CYP4F3: variants seen among roughly 807,000 people sequenced by gnomAD.
CYP4F3 encodes the protein cytochrome P450 4F3.
A neutral mutation model predicts 54.8 loss-of-function variants in CYP4F3; 50 were observed. That is an observed-to-expected ratio of 0.91 (90% CI 0.73 to 1.16). CYP4F3 has a LOEUF of 1.16. CYP4F3 is among the 50% of genes most tolerant of loss of function. The pLI is 0.00. For synonymous variants in CYP4F3, 244 were observed against 262.6 expected, an observed-to-expected ratio of 0.93 and a Z score of 0.69; for missense variants, 715 against 676.2, an observed-to-expected ratio of 1.06 and a Z score of -0.64.
intron 2 of CYP4F3, 150 bp from the exon 3 acceptor site, chr19:15,645,569 G>C: frequency 1.0e-6 from 1 of 1,000,144 alleles, no homozygotes; most frequent in Non-Finnish European, 1.4e-6. Flanking sequence ...TGGAGGATGT[G>C]AGGAGGAAGC....
intron 5 of CYP4F3, among the ~76,000 whole-genome samples, chr19:15,647,891 A>G (rs1221950856): frequency 6.6e-6 from 1 of 152,170 alleles, no homozygotes; most frequent in Non-Finnish European, 1.5e-5. Flanking sequence ...AAGGAGTCCC[A>G]TGGTTTACAA....
At chr19:15,644,150 C>A in intron 2 of CYP4F3, 1 of 1,337,224 alleles carries the variant, frequency 7.5e-7, no homozygotes, top group Non-Finnish European at 9.8e-7. Context: ...GTACTCTGGT[C>A]TCTCCTTTCC....
intron 9 of CYP4F3, among the ~76,000 whole-genome samples, chr19:15,654,604 C>T (rs951154227): frequency 2.6e-5 from 4 of 152,172 alleles, no homozygotes; most frequent in Non-Finnish European, 4.4e-5. Flanking sequence ...TGAGAACATG[C>T]GATATTTGTC....
At chr19:15,647,607 A>G (rs1476725272) in intron 5 of CYP4F3, among the ~76,000 whole-genome samples, 4 of 152,242 alleles carry the variant, frequency 2.6e-5, no homozygotes, top group Non-Finnish European at 4.4e-5. Flanking sequence ...ATTGCATAAT[A>G]GCTGTTGCTG....
At position 15,659,603 on chromosome 19, in the gene CYP4F3, T is replaced by A. The variant is rs912004046; in HGVS notation, c.*218T>A. On this transcript the variant is annotated 3_prime_UTR_variant, in exon 13 of 13. Coordinates refer to ENST00000221307, the MANE Select transcript of CYP4F3 (RefSeq NM_000896.3). ...CCAAACGATGAAAACAACCCCAAGC[T>A]ATATATTACCAGATGAAAGGATAAA... The A allele has an allele frequency of 7.4e-5, 57 of 773,722 alleles. No individual in the cohort carries two copies. The highest frequency in any genetic ancestry group is 1.1e-4 in the African/African-American group (6 of 55,286). 47.9% of individuals were successfully genotyped at this position (773,722 alleles called of 1,614,324 possible).
rs1568406872 is a variant in CYP4F3, at chr19:15,662,270, C to CAAAAAAAAA, written c.*2885_*2886insAAAAAAAAA. The CAAAAAAAAA allele has an allele frequency of 2.0e-5, 1 of 50,312 alleles. No homozygotes were observed. Among genetic ancestry groups the CAAAAAAAAA allele is most frequent in the Non-Finnish European group, 2.9e-5 (1 of 34,322 alleles). The allele number at this position is 50,312 out of a possible 1,614,324, so 3.1% of individuals were successfully genotyped here. ...TGGGTGAAAGAGCTAGATTCTCTCTCTCAAAAAAAAAAAAAAAAAAAAGGA... is the reference window on the plus strand; with the variant it reads ...TGGGTGAAAGAGCTAGATTCTCTCTCAAAAAAAAATCAAAAAAAAAAAAAAAAAAAAGGA... On this transcript the variant is annotated 3_prime_UTR_variant, in exon 13 of 13. Coordinates refer to ENST00000221307, the MANE Select transcript of CYP4F3 (RefSeq NM_000896.3).
chr19:15,654,120 G>A (rs1043885617), intron 9 of CYP4F3, among the ~76,000 whole-genome samples: 3 of 152,150 alleles, frequency 2.0e-5, no homozygotes, highest in African/African-American at 4.8e-5. Context: ...TGGAGTGGAC[G>A]GGTGTCTTGG....
rs1973111318 is a variant in CYP4F3 at position 15,658,909 on chromosome 19, C to T, written c.1397+100C>T. Reference sequence around the variant, plus strand: ...GGGACATTGTAGACGGTCCGAGTTCCAGCTCTCCTTCCCTCACCTCCTCTG... The same window carrying T: ...GGGACATTGTAGACGGTCCGAGTTCTAGCTCTCCTTCCCTCACCTCCTCTG... On this transcript the variant is annotated intron_variant, in intron 12 of 12. Coordinates refer to ENST00000221307, the MANE Select transcript of CYP4F3 (RefSeq NM_000896.3). 10 of 1,467,556 alleles carry T rather than the reference C, an allele frequency of 6.8e-6. No individual in the cohort carries two copies. The South Asian group carries it at 1.1e-4, about 17-fold the overall frequency. The allele number at this position is 1,467,556 out of a possible 1,614,324, so 90.9% of individuals were successfully genotyped here.
chr19:15,649,270 C>T lies in CYP4F3; in HGVS notation c.636C>T (p.Ser212=), dbSNP rs1271397297. Residue 212 remains serine (S), a synonymous_variant, in exon 6 of 13, where the codon AGC becomes AGT. Transcript: ENST00000221307. ...SLQKCVFSFD[S]HCQEKPSEYI... is the part of the protein sequence containing the mutation. ...AGAAATGTGTCTTCAGCTTTGACAGCCATTGCCAGGAGTAAGTTCTTGCCC... is the reference window on the plus strand; with the variant it reads ...AGAAATGTGTCTTCAGCTTTGACAGTCATTGCCAGGAGTAAGTTCTTGCCC... 5 of 1,612,956 alleles carry T rather than the reference C, an allele frequency of 3.1e-6. No homozygotes were observed. In the Admixed American group the frequency reaches 8.3e-5, roughly 27 times the overall value.
At chr19:15,646,004 T>C in intron 3 of CYP4F3, 141 bp downstream of exon 3, 1 of 1,250,200 alleles carries the variant, frequency 8.0e-7, no homozygotes, top group Non-Finnish European at 1.1e-6. Context: ...ACTGCTTCCA[T>C]CTCCCCTGGA....
chr19:15,645,649 T>A, intron 2 of CYP4F3, 70 bp from the exon 3 acceptor site: 9 of 1,509,144 alleles, frequency 6.0e-6, no homozygotes, highest in Non-Finnish European at 7.1e-6. Flanking sequence ...GGCTTCCACC[T>A]CTTCCCTGCA....
At chr19:15,649,885 T>C in intron 6 of CYP4F3, 28 bp from the exon 7 acceptor site, 1 of 1,608,928 alleles carries the variant, frequency 6.2e-7, no homozygotes, top group Non-Finnish European at 8.5e-7. Context: ...ATTAAATTGT[T>C]GCCTCCCTTT....
intron 1 of CYP4F3, 84 bp from the exon 2 acceptor site, chr19:15,641,331 T>C (rs1972455273): frequency 1.3e-6 from 2 of 1,520,042 alleles, no homozygotes; most frequent in Admixed American, 1.8e-5. Flanking sequence ...ACTGCCCGTC[T>C]CTGCCTCTCT....
In CYP4F3 at chr19:15,662,598, T is replaced by C. The variant is rs530569241; in HGVS notation, c.*3213T>C. On this transcript the variant is annotated 3_prime_UTR_variant, in exon 13 of 13. Transcript: ENST00000221307. ...ACAAATAGTCCTGATAGGGTTTGAA[T>C]TGGGATTTCTGTGAATCTATAGATC... The C allele has an allele frequency of 6.6e-6, 1 of 152,232 alleles. No individual in the cohort carries two copies. Among genetic ancestry groups the C allele is most frequent in the African/African-American group, 2.4e-5 (1 of 41,456 alleles). 9.4% of individuals were successfully genotyped at this position (152,232 alleles called of 1,614,324 possible). A position where few individuals can be genotyped will look rare whatever the true frequency, so the allele number is the denominator to read the frequency against.
chr19:15,643,301 GTAGA>G (rs573796173), intron 2 of CYP4F3, among the ~76,000 whole-genome samples: 284 of 149,846 alleles, frequency 1.9e-3, no homozygotes, highest in African/African-American at 5.0e-3. Context: ...AGAAACATAG[GTAGA>G]TAGATAGATT....
intron 7 of CYP4F3, 123 bp from the exon 8 acceptor site, chr19:15,652,446 G>A: frequency 6.9e-7 from 1 of 1,446,526 alleles, no homozygotes. Context: ...AGAGCAAGAT[G>A]GGCTTGGGTT....
At chr19:15,656,098 T>A (rs944252996) in intron 9 of CYP4F3, among the ~76,000 whole-genome samples, 1 of 151,870 alleles carries the variant, frequency 6.6e-6, no homozygotes, top group Non-Finnish European at 1.5e-5. Context: ...TGGCCTCTGG[T>A]AACCACCATT....
chr19:15,652,739 C>T (rs1972894720), intron 8 of CYP4F3, 84 bp from the exon 9 acceptor site: 1 of 1,604,150 alleles, frequency 6.2e-7, no homozygotes, highest in East Asian at 2.2e-5. Flanking sequence ...CCCCATCCTC[C>T]CTGAGGTCCT....
At chr19:15,643,466 GCAGA>G (rs1568391580) in intron 2 of CYP4F3, among the ~76,000 whole-genome samples, 4 of 150,814 alleles carry the variant, frequency 2.7e-5, no homozygotes, top group African/African-American at 4.9e-5. Context: ...AGACAGACAG[GCAGA>G]CAGACAGATA....
Sources: gnomAD v4.1 joint callset for allele counts (sites outside exome capture counted in the v4.1 genomes callset) on GRCh38, gnomAD v4.1.1 for gene constraint, MANE v1.5 for transcripts, NCBI Gene and HGNC (gene_info 2026-07-23, HGNC 2026-07-21) for gene names.